RIMOC1: variants seen among roughly 807,000 people sequenced by gnomAD.
The protein encoded by RIMOC1 is RAB7A-interacting MON1-CCZ1 complex subunit 1.
chr5:41,917,452 C>G, the RIMOC1 span: 1 of 1,353,468 alleles, frequency 7.4e-7, no homozygotes, highest in Non-Finnish European at 9.5e-7. Context: ...ACAACATCAC[C>G]ATCTTTTTCA....
At chr5:41,919,994 CA>C in the RIMOC1 span, 1 of 152,092 alleles carries the variant, frequency 6.6e-6, no homozygotes, top group Non-Finnish European at 1.5e-5. Context: ...AAACTTTGCA[CA>C]AAAAGTTGTT....
the RIMOC1 span, among the ~76,000 whole-genome samples, chr5:41,916,000 T>C: frequency 1.3e-5 from 2 of 152,246 alleles, no homozygotes; most frequent in Non-Finnish European, 2.9e-5. Context: ...ATTTTTCATA[T>C]CCAGTGCCAT....
the RIMOC1 span, among the ~76,000 whole-genome samples, chr5:41,914,236 A>C: frequency 1.3e-5 from 2 of 152,182 alleles, no homozygotes; most frequent in African/African-American, 4.8e-5. Context: ...GTTCTTCAAC[A>C]AGGGAATTAA....
At chr5:41,907,683 A>T in the RIMOC1 span, 2 of 1,143,776 alleles carry the variant, frequency 1.7e-6, no homozygotes, top group Non-Finnish European at 2.5e-6. Flanking sequence ...TTTTTTGTTT[A>T]AATAACACTC....
the RIMOC1 span, chr5:41,910,025 G>A: frequency 2.9e-6 from 2 of 693,682 alleles, no homozygotes; most frequent in East Asian, 6.2e-5. Flanking sequence ...GGAGATAAAA[G>A]AGCTTAACAC....
At chr5:41,915,539 T>C in the RIMOC1 span, among the ~76,000 whole-genome samples, 3 of 152,110 alleles carry the variant, frequency 2.0e-5, no homozygotes, top group Admixed American at 6.5e-5. Flanking sequence ...AAAAAATAGG[T>C]TTAATGGACT....
chr5:41,911,490 C>A, the RIMOC1 span, among the ~76,000 whole-genome samples: 1 of 152,066 alleles, frequency 6.6e-6, no homozygotes, highest in South Asian at 2.1e-4. Flanking sequence ...TGACTGTGAG[C>A]CTGTCAGCAG....
chr5:41,912,664 A>C, the RIMOC1 span, among the ~76,000 whole-genome samples: 5 of 152,164 alleles, frequency 3.3e-5, no homozygotes, highest in Non-Finnish European at 7.3e-5. Flanking sequence ...AAACCATCAG[A>C]TCTCATGAGA....
At chr5:41,912,959 T>C in the RIMOC1 span, among the ~76,000 whole-genome samples, 1 of 152,216 alleles carries the variant, frequency 6.6e-6, no homozygotes, top group Admixed American at 6.5e-5. Context: ...TGTTCTTACC[T>C]TTTTCCTCCA....
the RIMOC1 span, among the ~76,000 whole-genome samples, chr5:41,911,588 C>T: frequency 6.6e-6 from 1 of 152,064 alleles, no homozygotes; most frequent in Non-Finnish European, 1.5e-5. Context: ...TCATTAAATC[C>T]AAAATATGAG....
the RIMOC1 span, chr5:41,907,722 T>C: frequency 6.5e-7 from 1 of 1,550,358 alleles, no homozygotes; most frequent in Non-Finnish European, 8.8e-7. Flanking sequence ...TCCTCATGTT[T>C]TTATTTCTTA....
the RIMOC1 span, chr5:41,917,965 A>T: frequency 1.0e-6 from 1 of 976,280 alleles, no homozygotes; most frequent in Non-Finnish European, 1.2e-6. Context: ...CAAGTGAGTA[A>T]TGAAGATAAA....
the RIMOC1 span, chr5:41,916,210 T>C: frequency 6.0e-6 from 1 of 166,886 alleles, no homozygotes; most frequent in East Asian, 1.9e-4. Context: ...GCAAACTCCT[T>C]ATTTTTCAGA....
the RIMOC1 span, chr5:41,921,505 T>G: frequency 2.6e-5 from 4 of 152,002 alleles, no homozygotes; most frequent in Non-Finnish European, 4.4e-5. Context: ...ATACATTTAA[T>G]ATAGCCACAA....
the RIMOC1 span, chr5:41,917,606 T>C: frequency 4.9e-6 from 5 of 1,012,150 alleles, no homozygotes; most frequent in Non-Finnish European, 1.2e-6. Context: ...TTACTTTTTT[T>C]TTTTATTGTG....
At chr5:41,918,385 C>G in the RIMOC1 span, 1 of 985,722 alleles carries the variant, frequency 1.0e-6, no homozygotes, top group Non-Finnish European at 1.2e-6. Flanking sequence ...TCCTTCTTAC[C>G]CCCTTTTCTT....
chr5:41,915,161 G>T, the RIMOC1 span, among the ~76,000 whole-genome samples: 5 of 152,256 alleles, frequency 3.3e-5, no homozygotes, highest in South Asian at 1.0e-3. Context: ...TCTGTGAAAT[G>T]GGGCCAGAGA....
At chr5:41,918,134 C>T in the RIMOC1 span, 1 of 985,758 alleles carries the variant, frequency 1.0e-6, no homozygotes, top group Non-Finnish European at 1.2e-6. Context: ...TTCTGTCTAC[C>T]TCAACTCCTG....
At chr5:41,919,303 C>T in the RIMOC1 span, 1 of 152,268 alleles carries the variant, frequency 6.6e-6, no homozygotes, top group Admixed American at 6.5e-5. Flanking sequence ...TGACTACCTT[C>T]CCAGCCATGT....
Sources: allele counts gnomAD v4.1 joint callset (sites outside exome capture counted in the v4.1 genomes callset), GRCh38; gene constraint gnomAD v4.1.1; transcripts MANE v1.5; gene names NCBI Gene and HGNC (gene_info 2026-07-23, HGNC 2026-07-21).